The following PLCE1 variants were observed in gnomAD, a reference collection of about 807,000 sequenced individuals.
PLCE1 encodes phospholipase C epsilon 1.
Under a neutral mutation model 242.8 loss-of-function variants are expected in PLCE1, and 119 were observed. That is an observed-to-expected ratio of 0.49 (90% CI 0.42 to 0.57). PLCE1 has a LOEUF of 0.57. Ranked by LOEUF, PLCE1 falls within the 20% of genes least tolerant of loss-of-function variation. PLCE1 has a pLI of 0.00. For missense variants in PLCE1, 2,441 were observed against 2,788.8 expected (o/e 0.88, Z 2.81); for synonymous variants, 945 against 1,017.4 (o/e 0.93, Z 1.35).
chr10:94,122,126 A>C (rs1200022778), intron 2 of PLCE1, among the ~76,000 whole-genome samples: 1 of 152,188 alleles, frequency 6.6e-6, no homozygotes, highest in Non-Finnish European at 1.5e-5. Context: ...AGCTTCACAC[A>C]TGCACAGCTT....
chr10:94,023,665 T>G (rs765268811), intron 1 of PLCE1, among the ~76,000 whole-genome samples: 1 of 152,198 alleles, frequency 6.6e-6, no homozygotes, highest in African/African-American at 2.4e-5. Flanking sequence ...TAACCTGTTA[T>G]GGACAAACTT....
intron 2 of PLCE1, chr10:94,100,400 C>G (rs1057324776): frequency 2.0e-5 from 3 of 152,190 alleles, no homozygotes; most frequent in African/African-American, 7.2e-5. Context: ...TCCCTCCTTT[C>G]TGCAGAAACA....
At chr10:94,214,102 TTC>T (rs543492940) in intron 4 of PLCE1, among the ~76,000 whole-genome samples, 155 of 152,272 alleles carry the variant, frequency 1.0e-3, no homozygotes, top group Non-Finnish European at 2.0e-3. Flanking sequence ...TCCTGTGTTT[TTC>T]TGTTTCCCAG....
intron 2 of PLCE1, among the ~76,000 whole-genome samples, 162 bp from the exon 3 acceptor site, chr10:94,132,012 G>A (rs2046612349): frequency 1.3e-5 from 2 of 152,328 alleles, no homozygotes; most frequent in South Asian, 4.1e-4. Flanking sequence ...GATGGTGTCT[G>A]TAGAATGTTC....
chr10:94,323,920 C>T (rs1265701521), intron 30 of PLCE1, among the ~76,000 whole-genome samples: 1 of 152,218 alleles, frequency 6.6e-6, no homozygotes, highest in East Asian at 1.9e-4. Context: ...ACATCCAAGA[C>T]TCTGTGATAG....
chr10:94,047,799 A>G (rs879681038), intron 2 of PLCE1, among the ~76,000 whole-genome samples: 2 of 152,082 alleles, frequency 1.3e-5, no homozygotes, highest in African/African-American at 4.8e-5. Flanking sequence ...CCAAACCTCT[A>G]CATGTCCCTC....
At chr10:94,226,878 C>T (rs1439122667) in intron 4 of PLCE1, among the ~76,000 whole-genome samples, 3 of 116,064 alleles carry the variant, frequency 2.6e-5, no homozygotes, top group South Asian at 3.0e-4. Context: ...CTTGCTCTGT[C>T]ACCCAGGCTG....
intron 2 of PLCE1, among the ~76,000 whole-genome samples, chr10:94,035,714 C>T (rs1051538896): frequency 6.6e-6 from 1 of 152,122 alleles, no homozygotes; most frequent in Admixed American, 6.6e-5. Context: ...AGCAATGAAT[C>T]AGTATTTTCT....
At chr10:94,107,693 G>A (rs1033103150) in intron 2 of PLCE1, 1 of 151,860 alleles carries the variant, frequency 6.6e-6, no homozygotes, top group Non-Finnish European at 1.5e-5. Flanking sequence ...AGGATGCTTG[G>A]AGTCTTTAGA....
chr10:94,236,033 A>T lies in PLCE1; in HGVS notation c.2333A>T (p.Asn778Ile). 1 of 1,614,142 alleles carries T rather than the reference A, an allele frequency of 6.2e-7. No individual in the cohort carries two copies. The highest frequency in any genetic ancestry group is 1.1e-5 in the South Asian group (1 of 91,086). ...NSIFQVIRSC[N>I]RSLETDEEDS... ...ATCTTTCAGGTCATCCGGAGCTGCA[A>T]TCGAAGTCTGGAGACAGACGAGGAG... The change falls in exon 7 of 33, where the codon AAT becomes ATT. Residue 778 changes from asparagine (N) to isoleucine (I), a missense_variant. Physicochemically the swap from Asn to Ile is moderately radical, Grantham distance 149. Coordinates refer to ENST00000371380, the MANE Select transcript of PLCE1 (RefSeq NM_016341.4).
At chr10:94,022,069 A>G (rs2061384808) in intron 1 of PLCE1, among the ~76,000 whole-genome samples, 1 of 152,022 alleles carries the variant, frequency 6.6e-6, no homozygotes, top group Non-Finnish European at 1.5e-5. Flanking sequence ...CAAGAAAAAT[A>G]AATAAAAGAT....
chr10:94,066,263 G>C (rs544055151), intron 2 of PLCE1, among the ~76,000 whole-genome samples: 13 of 152,304 alleles, frequency 8.5e-5, no homozygotes, highest in Middle Eastern at 6.8e-3. Flanking sequence ...TTGTGAATTA[G>C]CTTTCTCTGT....
intron 1 of PLCE1, among the ~76,000 whole-genome samples, chr10:93,998,207 C>T (rs903512404): frequency 6.6e-6 from 1 of 152,218 alleles, no homozygotes; most frequent in Non-Finnish European, 1.5e-5. Context: ...CCTCAGTGAT[C>T]TCTTCTTAGA....
chr10:94,246,327 G>C lies in PLCE1; in HGVS notation c.2802G>C (p.Gly934=). 6.2e-7 allele frequency: 1 copy of C among 1,614,170 alleles called. No homozygotes were observed. Among genetic ancestry groups the C allele is most frequent in the Admixed American group, 1.7e-5 (1 of 60,018 alleles). Residue 934 remains glycine (G), a synonymous_variant, in exon 8 of 33, where the codon GGG becomes GGC. Transcript: ENST00000371380. ...GNAGLSSLTE[G]VLDLFAVKAV... ...CTGGATTAAGTAGCCTGACGGAAGG[G>C]GTCTTGGATCTTTTTGCAGTGAAGG...
chr10:94,269,011 C>T lies in PLCE1; in HGVS notation c.4364C>T (p.Thr1455Met), dbSNP rs1164068178. Reference protein sequence around the residue: ...DGMPIIYHGHTLTTKIPFKEV... With the variant: ...DGMPIIYHGHMLTTKIPFKEV... ...ATGCCCATCATTTATCATGGACATA[C>T]GCTGACAACCAAGATCCCCTTCAAG... The change falls in exon 17 of 33, where the codon ACG becomes ATG. Residue 1455 changes from threonine to methionine, a missense_variant. By Grantham distance (81) the Thr-to-Met change is moderately conservative. Transcript: ENST00000371380. The T allele has an allele frequency of 6.3e-6, 10 of 1,598,862 alleles. No homozygotes were observed. Among genetic ancestry groups the T allele is most frequent in the East Asian group, 2.2e-5 (1 of 44,592 alleles).
chr10:94,305,523 CCCT>C (rs577447643), intron 25 of PLCE1, among the ~76,000 whole-genome samples: 513 of 152,284 alleles, frequency 3.4e-3, no homozygotes, highest in African/African-American at 0.012. Context: ...TGCCAGGCAG[CCCT>C]CCAAGTACGA....
At chr10:94,297,833 A>C (rs532262432) in intron 23 of PLCE1, among the ~76,000 whole-genome samples, 2 of 152,252 alleles carry the variant, frequency 1.3e-5, no homozygotes, top group South Asian at 4.2e-4. Flanking sequence ...TCACTGATAC[A>C]TTTGGGTTGC....
At chr10:94,020,852 C>G (rs186169330) in intron 1 of PLCE1, among the ~76,000 whole-genome samples, 14 of 152,146 alleles carry the variant, frequency 9.2e-5, no homozygotes, top group Non-Finnish European at 1.6e-4. Context: ...GTTTTTGAGA[C>G]AGAGTCTCAC....
At chr10:94,021,245 T>C (rs1234124853) in intron 1 of PLCE1, among the ~76,000 whole-genome samples, 2 of 151,774 alleles carry the variant, frequency 1.3e-5, no homozygotes, top group South Asian at 2.1e-4. Context: ...TTTTTTTTTT[T>C]TTTTGAAGAC....
Sources: allele counts gnomAD v4.1 joint callset (sites outside exome capture counted in the v4.1 genomes callset), GRCh38; gene constraint gnomAD v4.1.1; transcripts MANE v1.5; gene names NCBI Gene and HGNC (gene_info 2026-07-23, HGNC 2026-07-21).